The following ASTN2 variants were observed in gnomAD, a reference collection of about 807,000 sequenced individuals.
ASTN2 encodes the protein astrotactin 2.
A neutral mutation model predicts 139.8 loss-of-function variants in ASTN2; 54 were observed. The observed-to-expected ratio is 0.39, with a 90% CI of 0.31 to 0.48. The LOEUF is 0.48. Ranked by LOEUF, ASTN2 falls within the 20% of genes least tolerant of loss-of-function variation. ASTN2 has a pLI of 0.95. For synonymous variants in ASTN2, 756 were observed against 719.5 expected (o/e 1.05, Z -0.81); for missense variants, 1,565 against 1,725.1 (o/e 0.91, Z 1.64).
intron 5 of ASTN2, among the ~76,000 whole-genome samples, chr9:117,062,626 A>AGCCCTTAGCCAT (rs1564408028): frequency 1.3e-5 from 2 of 152,314 alleles, no homozygotes; most frequent in East Asian, 3.9e-4. Context: ...ATCTGCAACA[A>AGCCCTTAGCCAT]GCCCTTAGCC....
Position 117,411,185 on chromosome 9 carries a change from A to G in ASTN2, c.442+3312T>C, listed in dbSNP as rs774431539. Among the ~76,000 whole-genome samples, 8 of 152,200 alleles carry G rather than the reference A, an allele frequency of 5.3e-5. No individual in the cohort carries two copies. In the South Asian group the frequency reaches 1.7e-3, roughly 32 times the overall value. On this transcript the variant is annotated intron_variant, in intron 1 of 22. Transcript: ENST00000313400. ...TGGGAGTAACAGTAGAGCCCACTCC[A>G]TATATGTTATGTAAATTAATAATAC...
intron 13 of ASTN2, among the ~76,000 whole-genome samples, chr9:116,793,469 T>C (rs913561626): frequency 2.0e-5 from 3 of 152,152 alleles, no homozygotes; most frequent in African/African-American, 7.2e-5. Context: ...TCTATAAACA[T>C]TGATAGCTCT....
intron 4 of ASTN2, among the ~76,000 whole-genome samples, chr9:117,123,846 C>G (rs1829620065): frequency 6.6e-6 from 1 of 152,156 alleles, no homozygotes; most frequent in Admixed American, 6.5e-5. Context: ...GAATTGGTTT[C>G]ACATTCTTCT....
intron 20 of ASTN2, among the ~76,000 whole-genome samples, chr9:116,447,962 T>TAA (rs1460118322): frequency 2.0e-5 from 3 of 152,010 alleles, no homozygotes; most frequent in African/African-American, 7.3e-5. Context: ...GGTGAGAGAA[T>TAA]GAAACCAAGA....
At chr9:116,747,495 T>C (rs1829275862) in intron 13 of ASTN2, among the ~76,000 whole-genome samples, 2 of 152,178 alleles carry the variant, frequency 1.3e-5, no homozygotes, top group South Asian at 4.1e-4. Flanking sequence ...TCAACAACCT[T>C]GTGAGTTAGG....
intron 1 of ASTN2, among the ~76,000 whole-genome samples, chr9:117,387,744 G>A (rs1830435895): frequency 6.6e-6 from 1 of 152,170 alleles, no homozygotes; most frequent in Non-Finnish European, 1.5e-5. Context: ...TGTTTCTGGA[G>A]AGAAATGCGG....
chr9:116,815,816 A>AAAAAAAAAAAAAAAAAAAAAAC (rs1564283204), intron 12 of ASTN2, among the ~76,000 whole-genome samples: 1 of 140,982 alleles, frequency 7.1e-6, no homozygotes, highest in African/African-American at 2.9e-5. Context: ...AAAAAAAAAA[A>AAAAAAAAAAAAAAAAAAAAAAC]AAAAAAAAAA....
intron 5 of ASTN2, among the ~76,000 whole-genome samples, chr9:117,094,659 T>C (rs1294034081): frequency 6.6e-6 from 1 of 152,122 alleles, no homozygotes; most frequent in African/African-American, 2.4e-5. Flanking sequence ...TGCAAACCCT[T>C]CCCATGTAAT....
At chr9:117,369,785 T>C (rs1005203896) in intron 1 of ASTN2, among the ~76,000 whole-genome samples, 1 of 152,048 alleles carries the variant, frequency 6.6e-6, no homozygotes, top group African/African-American at 2.4e-5. Context: ...GGCAGGAAGA[T>C]CATTTGGTAC....
chr9:116,500,972 G>A (rs1192337488), intron 19 of ASTN2, among the ~76,000 whole-genome samples: 1 of 152,122 alleles, frequency 6.6e-6, no homozygotes, highest in Non-Finnish European at 1.5e-5. Flanking sequence ...TCCCAAACCA[G>A]AACTGCACAA....
At chr9:117,291,057 C>A (rs1834577962) in intron 2 of ASTN2, among the ~76,000 whole-genome samples, 1 of 152,202 alleles carries the variant, frequency 6.6e-6, no homozygotes, top group African/African-American at 2.4e-5. Flanking sequence ...CAGCTATTCC[C>A]AGAGATGTCA....
intron 11 of ASTN2, among the ~76,000 whole-genome samples, chr9:116,846,971 T>G (rs1244790520): frequency 7.3e-6 from 1 of 136,102 alleles, no homozygotes; most frequent in Non-Finnish European, 1.5e-5. Flanking sequence ...CAGAACCTGC[T>G]GTCTTCCAGG....
rs1370542241 is a variant in ASTN2, at chr9:116,960,167, C to T, written c.1889+15041G>A. On this transcript the variant is annotated intron_variant, in intron 10 of 22. Coordinates refer to ENST00000313400, the MANE Select transcript of ASTN2 (RefSeq NM_001365068.1). ...TGCCTGACTCTCTGCCAGTGATGCT[C>T]CTCCGAGCCCTGCAGCTGGGGTCGC... Among the ~76,000 whole-genome samples the T allele has an allele frequency of 2.6e-5, 4 of 152,142 alleles. No homozygotes were observed. In the East Asian group the frequency reaches 7.7e-4, roughly 29 times the overall value.
At position 116,423,804 on chromosome 9, in the gene ASTN2, T is replaced by C. The variant is rs1469161201; in HGVS notation, c.*2047A>G. Among the ~76,000 whole-genome samples, 1 of 152,118 alleles carries C rather than the reference T, an allele frequency of 6.6e-6. No individual in the cohort carries two copies. Among genetic ancestry groups the C allele is most frequent in the East Asian group, 1.9e-4 (1 of 5,178 alleles). ...ATTTTCCCCATATGGATTGAAGTCC[T>C]GGGGAAAAAAATGCGCTCAATATGT... is the stretch of plus-strand genomic sequence containing the variant. On this transcript the variant is annotated 3_prime_UTR_variant, in exon 23 of 23. Transcript: ENST00000313400.
chr9:117,104,004 G>T (rs1410302947), intron 4 of ASTN2, among the ~76,000 whole-genome samples: 1 of 117,080 alleles, frequency 8.5e-6, no homozygotes, highest in Admixed American at 8.9e-5. Flanking sequence ...TTACACAGAG[G>T]TTACTATGCT....
At chr9:117,315,166 A>G (rs1204377984) in intron 1 of ASTN2, among the ~76,000 whole-genome samples, 1 of 152,082 alleles carries the variant, frequency 6.6e-6, no homozygotes, top group Non-Finnish European at 1.5e-5. Context: ...ACCTCCCTAA[A>G]TGACCTAAAG....
chr9:116,450,498 C>G (rs991349000), intron 20 of ASTN2, among the ~76,000 whole-genome samples: 1 of 152,154 alleles, frequency 6.6e-6, no homozygotes. Flanking sequence ...GCCTCCATAG[C>G]CCGTTGAAGA....
chr9:116,648,002 T>C (rs1256744083), intron 17 of ASTN2, among the ~76,000 whole-genome samples: 1 of 142,732 alleles, frequency 7.0e-6, no homozygotes, highest in African/African-American at 2.6e-5. Context: ...AATTTTTTCT[T>C]TTCTTTTTTT....
At chr9:117,245,150 G>T (rs1049937497) in intron 2 of ASTN2, among the ~76,000 whole-genome samples, 3 of 152,148 alleles carry the variant, frequency 2.0e-5, no homozygotes, top group African/African-American at 7.2e-5. Context: ...ACAGGCCAGG[G>T]CATGCTCTCT....
Sources: allele counts gnomAD v4.1 joint callset (sites outside exome capture counted in the v4.1 genomes callset), GRCh38; gene constraint gnomAD v4.1.1; transcripts MANE v1.5; gene names NCBI Gene and HGNC (gene_info 2026-07-23, HGNC 2026-07-21).